ANK1: variants seen among roughly 807,000 people sequenced by gnomAD.
The protein encoded by ANK1 is ankyrin 1, also known as ankyrin-1.
In ANK1, 51 loss-of-function variants were observed where a neutral mutation model predicts 210.4. The observed-to-expected ratio is 0.24, with a 90% CI of 0.19 to 0.31. The LOEUF is 0.31. Ranked by LOEUF, ANK1 falls within the 10% of genes least tolerant of loss-of-function variation. The probability of loss-of-function intolerance (pLI) is 1.00; values close to 1 mark genes in which losing one functional copy is unlikely to be tolerated. For synonymous variants in ANK1, 967 were observed against 1,025.9 expected (o/e 0.94, Z 1.10); for missense variants, 2,051 against 2,504.4 (o/e 0.82, Z 3.86).
At chr8:41,740,746 G>C (rs1834583958) in intron 2 of ANK1, among the ~76,000 whole-genome samples, 1 of 152,200 alleles carries the variant, frequency 6.6e-6, no homozygotes, top group Non-Finnish European at 1.5e-5. Flanking sequence ...AGTGAGTGCT[G>C]GATAAGCCAG....
chr8:41,760,032 A>G (rs1840051721), intron 1 of ANK1, among the ~76,000 whole-genome samples: 1 of 152,210 alleles, frequency 6.6e-6, no homozygotes, highest in Non-Finnish European at 1.5e-5. Flanking sequence ...TTCTTAAATG[A>G]GAGTGAAGCT....
At chr8:41,800,058 C>A (rs1384285755), upstream of ANK1, among the ~76,000 whole-genome samples, 2 of 152,152 alleles carry the variant, frequency 1.3e-5, no homozygotes, top group Admixed American at 6.5e-5. Context: ...TCCCTCGAGT[C>A]TCTGAAAGGG....
chr8:41,804,630 G>C (rs1053351748), intron 1 of ANK1, among the ~76,000 whole-genome samples: 2 of 152,138 alleles, frequency 1.3e-5, no homozygotes, highest in African/African-American at 2.4e-5. Flanking sequence ...GGGTAACTAT[G>C]GGAGGGAGAT....
rs142928789 is a variant in ANK1, at chr8:41,841,663, A to T, written c.126+54692T>A. 3.7e-4 allele frequency among the ~76,000 whole-genome samples: 57 copies of T among 152,298 alleles called. 1 individual carries two copies. The East Asian group carries it at 0.01, about 27-fold the overall frequency. On this transcript the variant is annotated intron_variant, in intron 1 of 42. Transcript: ENST00000265709. ...TTCACAGGTGTGTGCAGATGTCCAA[A>T]CTCATCAAATGTATACATCCAATAC...
chr8:41,710,353 C>T (rs10504043), intron 16 of ANK1, among the ~76,000 whole-genome samples: 5,616 of 152,264 alleles, frequency 0.037, 188 homozygotes, highest in African/African-American at 0.094. Context: ...TCTAATGTCA[C>T]GTAGTAAGCA....
chr8:41,705,093 T>G lies in ANK1; in HGVS notation c.2098-621A>C, dbSNP rs1419357174. 2.0e-5 allele frequency among the ~76,000 whole-genome samples: 3 copies of G among 152,248 alleles called. No individual in the cohort carries two copies. In the East Asian group the frequency reaches 5.8e-4, roughly 29 times the overall value. On this transcript the variant is annotated intron_variant, in intron 18 of 42. Transcript: ENST00000289734. ...ATTGAAATGCAAGGGCTTGGGACAT[T>G]CGCTCATGTGAGTCTGGGCTGTTCA...
chr8:41,669,183 T>C (rs1379361479), intron 38 of ANK1, among the ~76,000 whole-genome samples: 2 of 151,422 alleles, frequency 1.3e-5, no homozygotes, highest in Non-Finnish European at 2.9e-5. Context: ...AGCTCATTCA[T>C]CCCATGGTTC....
intron 1 of ANK1, among the ~76,000 whole-genome samples, chr8:41,770,085 G>A (rs200423030): frequency 3.4e-5 from 5 of 145,594 alleles, no homozygotes; most frequent in African/African-American, 1.3e-4. Context: ...AGGTTCAAGC[G>A]ATTCTCCTGC....
chr8:41,659,585 T>C (rs1807126902), intron 42 of ANK1, among the ~76,000 whole-genome samples: 1 of 152,228 alleles, frequency 6.6e-6, no homozygotes, highest in Non-Finnish European at 1.5e-5. Flanking sequence ...CCGTCTTCTC[T>C]GTAGCCTTTG....
At chr8:41,696,637 T>C in intron 25 of ANK1, 39 bp downstream of exon 25, 1 of 1,609,634 alleles carries the variant, frequency 6.2e-7, no homozygotes, top group African/African-American at 1.3e-5. Flanking sequence ...CTCTCGGAGA[T>C]GGAGACAGGA....
At chr8:41,794,317 G>C (rs902102074) in intron 1 of ANK1, among the ~76,000 whole-genome samples, 1 of 152,108 alleles carries the variant, frequency 6.6e-6, no homozygotes, top group African/African-American at 2.4e-5. Context: ...TGGCCTCCCG[G>C]TTATTCCCAT....
At chr8:41,850,895 G>A (rs1212913335) in intron 1 of ANK1, among the ~76,000 whole-genome samples, 2 of 152,252 alleles carry the variant, frequency 1.3e-5, no homozygotes, top group African/African-American at 4.8e-5. Context: ...TAGTCTCATG[G>A]CAAAGCTCAC....
At chr8:41,771,103 C>T (rs1301225038) in intron 1 of ANK1, among the ~76,000 whole-genome samples, 1 of 152,178 alleles carries the variant, frequency 6.6e-6, no homozygotes, top group Non-Finnish European at 1.5e-5. Context: ...TTCCATGAGT[C>T]ATAAAGAAAC....
chr8:41,843,239 G>A (rs934343534), intron 1 of ANK1, among the ~76,000 whole-genome samples: 10 of 152,114 alleles, frequency 6.6e-5, no homozygotes, highest in African/African-American at 1.9e-4. Context: ...TTTGTTACAC[G>A]TATATAATGT....
At chr8:41,790,329 T>C (rs965879265) in intron 1 of ANK1, among the ~76,000 whole-genome samples, 1 of 152,032 alleles carries the variant, frequency 6.6e-6, no homozygotes, top group South Asian at 2.1e-4. Context: ...GTATTTTTAG[T>C]AAAGACGTGG....
intron 1 of ANK1, among the ~76,000 whole-genome samples, chr8:41,762,741 C>T (rs1840760738): frequency 6.6e-6 from 1 of 152,160 alleles, no homozygotes; most frequent in Non-Finnish European, 1.5e-5. Flanking sequence ...TTAGGAAAAA[C>T]ACTATATTAT....
At chr8:41,878,721 C>T (rs1285731744) in intron 1 of ANK1, among the ~76,000 whole-genome samples, 1 of 152,194 alleles carries the variant, frequency 6.6e-6, no homozygotes, top group Non-Finnish European at 1.5e-5. Context: ...CCTCATGCAA[C>T]TGGACAGGTT....
intron 1 of ANK1, among the ~76,000 whole-genome samples, chr8:41,848,082 G>A (rs1233567906): frequency 6.6e-6 from 1 of 152,024 alleles, no homozygotes; most frequent in African/African-American, 2.4e-5. Context: ...CTACTTGGGA[G>A]GCTGAGGCAC....
chr8:41,753,907 C>A (rs926779080), intron 2 of ANK1, among the ~76,000 whole-genome samples: 1 of 152,188 alleles, frequency 6.6e-6, no homozygotes, highest in African/African-American at 2.4e-5. Flanking sequence ...GCACAGGCTG[C>A]TCTCTAAGAC....
Sources: allele counts gnomAD v4.1 joint callset (sites outside exome capture counted in the v4.1 genomes callset), GRCh38; gene constraint gnomAD v4.1.1; transcripts MANE v1.5; gene names NCBI Gene and HGNC (gene_info 2026-07-23, HGNC 2026-07-21).